The following SESN3 variants were observed in gnomAD, a reference collection of about 807,000 sequenced individuals.
SESN3 encodes sestrin 3, also known as sestrin-3.
A neutral mutation model predicts 55.3 loss-of-function variants in SESN3; 21 were observed. The observed-to-expected ratio is 0.38, with a 90% CI of 0.27 to 0.55. The LOEUF is 0.55. SESN3 is among the 20% of genes least tolerant of loss of function. SESN3 has a pLI of 0.76. For missense variants in SESN3, 408 were observed against 604.3 expected (o/e 0.68, Z 3.41); for synonymous variants, 181 against 203.1 (o/e 0.89, Z 0.93).
chr11:95,207,976 T>A (rs1423985706), intron 1 of SESN3, among the ~76,000 whole-genome samples: 1 of 151,454 alleles, frequency 6.6e-6, no homozygotes, highest in Non-Finnish European at 1.5e-5. Flanking sequence ...ACCCAGCTAA[T>A]TTATGTTCTT....
intron 1 of SESN3, among the ~76,000 whole-genome samples, chr11:95,229,554 G>T (rs1861012192): frequency 6.6e-6 from 1 of 152,098 alleles, no homozygotes; most frequent in African/African-American, 2.4e-5. Context: ...GCAGGGAAAA[G>T]AGGCTTGAAA....
intron 1 of SESN3, among the ~76,000 whole-genome samples, chr11:95,222,114 C>T (rs1860868741): frequency 6.6e-6 from 1 of 152,130 alleles, no homozygotes. Context: ...TCAAAAACAG[C>T]CATCCCTTAT....
upstream of SESN3, chr11:95,231,779 A>T (rs1861075657): frequency 6.6e-6 from 1 of 152,200 alleles, no homozygotes; most frequent in South Asian, 2.1e-4. Flanking sequence ...CTTTGTATCC[A>T]GGGATCTCAA....
intron 1 of SESN3, among the ~76,000 whole-genome samples, chr11:95,224,885 A>G (rs541573432): frequency 4.6e-5 from 7 of 152,324 alleles, no homozygotes; most frequent in South Asian, 2.1e-4. Context: ...GTTACATGAA[A>G]AAAGTGGCTA....
At position 95,167,550 on chromosome 11, in the gene SESN3, T is replaced by A. The variant is rs979425597; in HGVS notation, c.*5705A>T. 1.3e-5 allele frequency: 2 copies of A among 150,252 alleles called. No individual in the cohort carries two copies. The highest frequency in any genetic ancestry group is 4.9e-5 in the African/African-American group (2 of 41,042). 9.3% of individuals were successfully genotyped at this position (150,252 alleles called of 1,614,324 possible). A position where few individuals can be genotyped will look rare whatever the true frequency, so the allele number is the denominator to read the frequency against. On this transcript the variant is annotated 3_prime_UTR_variant, in exon 10 of 10. Coordinates refer to ENST00000536441, the MANE Select transcript of SESN3 (RefSeq NM_144665.4). Reference sequence around the variant, plus strand: ...GGTTAAAGCTAAAATGAACACTTCATGGCATATAATTTAATACAAACCGCC... The same window carrying A: ...GGTTAAAGCTAAAATGAACACTTCAAGGCATATAATTTAATACAAACCGCC...
chr11:95,203,655 C>T (rs965009549), intron 1 of SESN3: 1 of 152,166 alleles, frequency 6.6e-6, no homozygotes, highest in Non-Finnish European at 1.5e-5. Context: ...CAGAAAACTA[C>T]AAGATTGTGC....
At chr11:95,211,585 G>A (rs1860656160) in intron 1 of SESN3, among the ~76,000 whole-genome samples, 1 of 152,132 alleles carries the variant, frequency 6.6e-6, no homozygotes, top group African/African-American at 2.4e-5. Flanking sequence ...GGCCAATATG[G>A]TGAAACCCCA....
chr11:95,190,281 C>A (rs887266324), intron 3 of SESN3, among the ~76,000 whole-genome samples: 2 of 151,904 alleles, frequency 1.3e-5, no homozygotes, highest in African/African-American at 4.8e-5. Flanking sequence ...ATACCTATTA[C>A]ATTCTACTTA....
intron 1 of SESN3, among the ~76,000 whole-genome samples, chr11:95,221,257 T>A (rs558597970): frequency 2.0e-5 from 3 of 151,712 alleles, no homozygotes; most frequent in Non-Finnish European, 4.4e-5. Context: ...TGAGCCAAGA[T>A]GGCGCCACTG....
Position 95,230,473 on chromosome 11 carries a change from A to G in SESN3, c.78+310T>C. 6.1e-6 allele frequency: 2 copies of G among 330,140 alleles called. No individual in the cohort carries two copies. Among genetic ancestry groups the G allele is most frequent in the South Asian group, 6.2e-5 (2 of 32,012 alleles). 20.5% of individuals were successfully genotyped at this position (330,140 alleles called of 1,614,324 possible). A position where few individuals can be genotyped will look rare whatever the true frequency, so the allele number is the denominator to read the frequency against. The stretch of plus-strand genomic sequence containing the variant: ...ACGGATCCCTCCCGCCCTCCGCCCA[A>G]GGAGCCGACCCGGGGTAGCAAGGTA... On this transcript the variant is annotated intron_variant, in intron 1 of 9. Transcript: ENST00000536441. This position sits in a 1 kb window ranked among gnomAD's most constrained non-coding sequence, Gnocchi z 4.6.
chr11:95,174,985 A>C (rs1187220025), intron 9 of SESN3, among the ~76,000 whole-genome samples: 1 of 152,142 alleles, frequency 6.6e-6, no homozygotes, highest in Non-Finnish European at 1.5e-5. Flanking sequence ...AGACATACTG[A>C]AATGTTGTAT....
intron 1 of SESN3, among the ~76,000 whole-genome samples, chr11:95,209,953 G>T (rs1184637698): frequency 7.1e-6 from 1 of 140,750 alleles, no homozygotes; most frequent in African/African-American, 2.6e-5. Flanking sequence ...GGAGGCGAAG[G>T]TTGCAGTGAG....
At chr11:95,182,347 C>T (rs931668018) in intron 6 of SESN3, among the ~76,000 whole-genome samples, 1 of 152,158 alleles carries the variant, frequency 6.6e-6, no homozygotes, top group African/African-American at 2.4e-5. Context: ...CCTTCAACCT[C>T]ACCTCTTCTC....
intron 1 of SESN3, among the ~76,000 whole-genome samples, chr11:95,219,862 CT>C (rs1321256366): frequency 6.6e-5 from 10 of 152,018 alleles, no homozygotes; most frequent in African/African-American, 2.4e-4. Context: ...ATATGTTCCT[CT>C]GGAAACGTTA....
At chr11:95,227,991 G>A (rs1860979167) in intron 1 of SESN3, among the ~76,000 whole-genome samples, 1 of 152,168 alleles carries the variant, frequency 6.6e-6, no homozygotes, top group Non-Finnish European at 1.5e-5. Flanking sequence ...TTTCAGGATA[G>A]TTTTGATGGT....
In SESN3 at chr11:95,169,007, A is replaced by G. The variant is rs12361586; in HGVS notation, c.*4248T>C. The G allele has an allele frequency of 0.12, 18,278 of 152,276 alleles. 1,208 individuals are homozygous for G. Among genetic ancestry groups the G allele is most frequent in the East Asian group, 0.19 (970 of 5,170 alleles). 9.4% of individuals were successfully genotyped at this position (152,276 alleles called of 1,614,324 possible). On this transcript the variant is annotated 3_prime_UTR_variant, in exon 10 of 10. Transcript: ENST00000536441. ...CCACACTCTCAGCACTATGTTCCTCATATTCTTTGAAAACTCTTCCTTCCT... is the reference window on the plus strand; with the variant it reads ...CCACACTCTCAGCACTATGTTCCTCGTATTCTTTGAAAACTCTTCCTTCCT...
At chr11:95,183,762 A>G (rs1427977198) in intron 6 of SESN3, among the ~76,000 whole-genome samples, 1 of 151,918 alleles carries the variant, frequency 6.6e-6, no homozygotes, top group Admixed American at 6.6e-5. Context: ...TGCTATTTTA[A>G]TATCATTTAC....
intron 6 of SESN3, 25 bp from the exon 7 acceptor site, chr11:95,178,853 G>A (rs1299973226): frequency 1.5e-6 from 2 of 1,326,188 alleles, no homozygotes; most frequent in African/African-American, 2.9e-5. Flanking sequence ...GAACAATCTA[G>A]TGTTAAGGAT....
At position 95,189,744 on chromosome 11, in the gene SESN3, C is replaced by G. The variant is rs1860231665; in HGVS notation, c.525+35G>C. The G allele has an allele frequency of 2.6e-6, 4 of 1,515,622 alleles. No homozygotes were observed. In the African/African-American group the frequency reaches 5.6e-5, roughly 21 times the overall value. 93.9% of individuals were successfully genotyped at this position (1,515,622 alleles called of 1,614,324 possible). A position where few individuals can be genotyped will look rare whatever the true frequency, so the allele number is the denominator to read the frequency against. ...CACATATTTAAAATTAAGTCCTAAG[C>G]AAATTCCTTTTTATTTCAAAGAAAC... On this transcript the variant is annotated intron_variant, in intron 4 of 9. Transcript: ENST00000536441.
Sources: allele counts gnomAD v4.1 joint callset (sites outside exome capture counted in the v4.1 genomes callset), GRCh38; gene constraint gnomAD v4.1.1; non-coding constraint Gnocchi (gnomAD v3.1); transcripts MANE v1.5; gene names NCBI Gene and HGNC (gene_info 2026-07-23, HGNC 2026-07-21).